The following DNAH17 variants were observed in gnomAD, a reference collection of about 807,000 sequenced individuals.
The protein encoded by DNAH17 is dynein axonemal heavy chain 17, also known as axonemal beta dynein heavy chain 17.
Under a neutral mutation model 485.6 loss-of-function variants are expected in DNAH17, and 376 were observed. The observed-to-expected ratio is 0.77, with a 90% CI of 0.71 to 0.84. The LOEUF is 0.84. DNAH17 is among the 40% of genes least tolerant of loss of function. The probability of loss-of-function intolerance (pLI) is 0.00; values close to 1 mark genes in which losing one functional copy is unlikely to be tolerated. For missense variants in DNAH17, 6,370 were observed against 5,839.3 expected (o/e 1.09, Z -2.96); for synonymous variants, 3,031 against 2,405.9 (o/e 1.26, Z -7.60).
intron 57 of DNAH17, among the ~76,000 whole-genome samples, chr17:78,462,577 C>T (rs769909722): frequency 5.9e-5 from 9 of 152,170 alleles, no homozygotes; most frequent in Non-Finnish European, 1.0e-4. Context: ...AAATCTCACC[C>T]GACATGGGGC....
chr17:78,544,803 A>AT (rs1356876019), intron 16 of DNAH17, among the ~76,000 whole-genome samples: 6 of 132,162 alleles, frequency 4.5e-5, no homozygotes, highest in Non-Finnish European at 9.8e-5. Flanking sequence ...TCAGTCTCAA[A>AT]AAAAAAAAAA....
At chr17:78,461,053 G>T (rs1313458579) in intron 58 of DNAH17, among the ~76,000 whole-genome samples, 1 of 151,876 alleles carries the variant, frequency 6.6e-6, no homozygotes, top group Non-Finnish European at 1.5e-5. Context: ...CTAAGCCGTG[G>T]TTCTCAACCT....
chr17:78,502,643 G>C lies in DNAH17; in HGVS notation c.5138C>G (p.Ala1713Gly). Reference protein sequence around the residue: ...WWTTEVGLAFARLEEGYENAI... With the variant: ...WWTTEVGLAFGRLEEGYENAI... Reference sequence around the variant, plus strand: ...GTTTTCATAGCCTTCCTCCAGCCTGGCAAATGCCAGGCCCACCTCGGTCGT... The same window carrying C: ...GTTTTCATAGCCTTCCTCCAGCCTGCCAAATGCCAGGCCCACCTCGGTCGT... The change falls in exon 33 of 81, where the codon GCC becomes GGC. Residue 1713 changes from alanine to glycine, a missense_variant. Transcript: ENST00000389840. 6.2e-7 allele frequency: 1 copy of C among 1,612,358 alleles called. No homozygotes were observed.
rs749739154 is a variant in DNAH17 at position 78,484,908 on chromosome 17, G to T, written c.7609C>A (p.Pro2537Thr). ...PEVDKYGTVA[P>T]HTLIRQHMDH... ...ATGTGCTGCCGGATGAGGGTGTGCG[G>T]GGCCACCGTCCCATACTTGTCCACC... The change falls in exon 48 of 81, where the codon CCG becomes ACG. Residue 2537 changes from proline (P) to threonine (T), a missense_variant. Physicochemically the swap from Pro to Thr is conservative, Grantham distance 38. Transcript: ENST00000389840. The T allele has an allele frequency of 4.4e-6, 7 of 1,592,982 alleles. No homozygotes were observed. Among genetic ancestry groups the T allele is most frequent in the Non-Finnish European group, 6.0e-6 (7 of 1,169,584 alleles).
At position 78,455,818 on chromosome 17, in the gene DNAH17, T is replaced by G. The variant is rs1384705075; in HGVS notation, c.9996A>C (p.Ala3332=). Residue 3332 remains alanine (A), a synonymous_variant, in exon 63 of 81, where the codon GCA becomes GCC. Transcript: ENST00000389840. ...ACTCAGCCCAGCGGATGTTTTCCGA[T>G]GCTAATCCCCCGACCAGCCTAAAGT... The part of the protein sequence containing the change: ...LLANRLVGGL[A]SENIRWAESV... The G allele has an allele frequency of 6.2e-7, 1 of 1,605,378 alleles. No individual in the cohort carries two copies. Among genetic ancestry groups the G allele is most frequent in the East Asian group, 2.2e-5 (1 of 44,486 alleles).
In DNAH17 at chr17:78,460,348, G is replaced by A. The variant is rs146142040; in HGVS notation, c.9340-91C>T. 1.0e-3 allele frequency: 1,031 copies of A among 988,728 alleles called. 7 individuals are homozygous for A. The African/African-American group carries it at 0.014, about 14-fold the overall frequency. The allele number at this position is 988,728 out of a possible 1,614,324, so 61.2% of individuals were successfully genotyped here. On this transcript the variant is annotated intron_variant, in intron 58 of 80. Transcript: ENST00000389840. ...TGCATGTGTGTGCATGTGTGTGCAT[G>A]TGTGTGCATGTATGCACGTGCATGA...
rs759373105 is a variant in DNAH17, at chr17:78,570,356, G to A, written c.935C>T (p.Ala312Val). The change falls in exon 7 of 81, where the codon GCC becomes GTC. Residue 312 changes from alanine (A) to valine (V), a missense_variant. Transcript: ENST00000389840. ...GAAGCAGATGGTGTCCAGCACCTTG[G>A]CAATGAAGGTGGGGAGCTGGGGGGA... ...ADFTMLPTFI[A>V]KVLDTICFIW... The A allele has an allele frequency of 1.8e-5, 29 of 1,610,852 alleles. No individual in the cohort carries two copies. The highest frequency in any genetic ancestry group is 2.2e-5 in the East Asian group (1 of 44,776).
chr17:78,449,543 G>T lies in DNAH17; in HGVS notation c.11082C>A (p.Thr3694=), dbSNP rs1226114665. The T allele has an allele frequency of 1.2e-6, 2 of 1,604,516 alleles. No homozygotes were observed. The highest frequency in any genetic ancestry group is 2.2e-5 in the East Asian group (1 of 44,542). Residue 3694 remains threonine, a synonymous_variant, in exon 69 of 81, where the codon ACC becomes ACA. Transcript: ENST00000389840. The stretch of plus-strand genomic sequence containing the variant: ...CCCGCTGCTTCACCTCGTTGGCAGG[G>T]GTGGTCCTCTGGATGGCTTTCTCAA... The part of the protein sequence containing the change: ...VVFEKAIQRT[T]PANEVKQRVI...
chr17:78,496,475 G>C (rs1412868226), intron 37 of DNAH17, among the ~76,000 whole-genome samples: 1 of 150,698 alleles, frequency 6.6e-6, no homozygotes, highest in Non-Finnish European at 1.5e-5. Flanking sequence ...GGCGGGGGGA[G>C]GGTGGGCGCG....
intron 11 of DNAH17, among the ~76,000 whole-genome samples, chr17:78,566,265 TTTTACACCAACTTTACCTC>T (rs1463886079): frequency 6.6e-6 from 1 of 152,210 alleles, no homozygotes; most frequent in East Asian, 1.9e-4. Flanking sequence ...TTAATTTTAT[TTTTACACCAACTTTACCTC>T]TTTAACTTTC....
Position 78,539,842 on chromosome 17 carries a change from C to T in DNAH17, c.2571G>A (p.Leu857=). The T allele has an allele frequency of 3.7e-6, 6 of 1,610,768 alleles. No homozygotes were observed. Among genetic ancestry groups the T allele is most frequent in the Non-Finnish European group, 5.1e-6 (6 of 1,179,204 alleles). The change falls in exon 18 of 81, where the codon CTG becomes CTA. Residue 857 remains leucine (L), a synonymous_variant. Coordinates refer to ENST00000389840, the MANE Select transcript of DNAH17 (RefSeq NM_173628.4). Reference sequence around the variant, plus strand: ...TGTAGATGACATAATCCTTCCAGGGCAGGCTCAGTGTGTCTGCCCTGAATA... The same window carrying T: ...TGTAGATGACATAATCCTTCCAGGGTAGGCTCAGTGTGTCTGCCCTGAATA... ...AELFRADTLS[L]PWKDYVIYID...
chr17:78,503,099 A>G, intron 31 of DNAH17, 88 bp from the exon 32 acceptor site: 1 of 1,463,152 alleles, frequency 6.8e-7, no homozygotes, highest in Non-Finnish European at 9.1e-7. Context: ...GTAAAGAAAA[A>G]CATTTCTCAT....
chr17:78,510,750 G>GCCC (rs2090612882), intron 26 of DNAH17: 1 of 305,960 alleles, frequency 3.3e-6, no homozygotes, highest in Non-Finnish European at 5.7e-6. Flanking sequence ...GCGGAATTGC[G>GCCC]GCCCCCCCGC....
At chr17:78,428,363 C>T in intron 77 of DNAH17, 162 bp downstream of exon 77, 2 of 841,358 alleles carry the variant, frequency 2.4e-6, no homozygotes, top group Non-Finnish European at 3.8e-6. Flanking sequence ...GCTGACCAGC[C>T]TGCGGGCCAT....
At position 78,494,324 on chromosome 17, in the gene DNAH17, GC is replaced by G. The variant is rs150444107; in HGVS notation, c.6271-152del. The stretch of plus-strand genomic sequence containing the variant: ...TGCGTCTGCAAGTTCTGCTGTCAAT[GC>G]CGAGAGTTGACATAGCTCCACCGCG... On this transcript the variant is annotated intron_variant, in intron 40 of 80. Coordinates refer to ENST00000389840, the MANE Select transcript of DNAH17 (RefSeq NM_173628.4). 3,018 of 1,214,306 alleles carry G rather than the reference GC, an allele frequency of 2.5e-3. 65 individuals carry two copies. In the African/African-American group the frequency reaches 0.042, roughly 17 times the overall value. 75.2% of individuals were successfully genotyped at this position (1,214,306 alleles called of 1,614,324 possible). A position where few individuals can be genotyped will look rare whatever the true frequency, so the allele number is the denominator to read the frequency against.
intron 19 of DNAH17, 183 bp from the exon 20 acceptor site, chr17:78,532,919 C>T (rs765194000): frequency 3.1e-6 from 2 of 649,254 alleles, no homozygotes; most frequent in Admixed American, 3.1e-5. Flanking sequence ...GGTGGTCCCC[C>T]ACTCCTGGGA....
Position 78,461,652 on chromosome 17 carries a change from A to G in DNAH17, c.9231T>C (p.Asn3077=). 1 of 1,611,942 alleles carries G rather than the reference A, an allele frequency of 6.2e-7. No individual in the cohort carries two copies. Among genetic ancestry groups the G allele is most frequent in the South Asian group, 1.1e-5 (1 of 90,806 alleles). The part of the protein sequence containing the change: ...AIQEAELKQK[N]ESADQLIQVV... ...CCTGGATCAGTTGGTCTGCGCTCTC[A>G]TTCTTCTGCTTGAGCTCAGCCTCCT... The change falls in exon 58 of 81, where the codon AAT becomes AAC. Residue 3077 remains asparagine, a synonymous_variant. Transcript: ENST00000389840.
chr17:78,453,989 C>G (rs1003395475), intron 64 of DNAH17, among the ~76,000 whole-genome samples: 1 of 152,088 alleles, frequency 6.6e-6, no homozygotes, highest in Middle Eastern at 3.2e-3. Flanking sequence ...ATTACAGGTA[C>G]GAGCCACCAC....
At chr17:78,478,498 TATCACCACCATCACCCTC>T (rs1417611443) in intron 51 of DNAH17, among the ~76,000 whole-genome samples, 1 of 116,060 alleles carries the variant, frequency 8.6e-6, no homozygotes, top group Non-Finnish European at 1.8e-5. Context: ...TCACCATCAT[TATCACCACCATCACCCTC>T]ACCACCACCA....
Sources: allele counts gnomAD v4.1 joint callset (sites outside exome capture counted in the v4.1 genomes callset), GRCh38; gene constraint gnomAD v4.1.1; transcripts MANE v1.5; gene names NCBI Gene and HGNC (gene_info 2026-07-23, HGNC 2026-07-21).